LSAMP: variants seen among roughly 807,000 people sequenced by gnomAD.
LSAMP encodes limbic system associated membrane protein.
In LSAMP, 7 loss-of-function variants were observed where a neutral mutation model predicts 38.6. The ratio of observed to expected loss-of-function variants is 0.18; its 90% CI spans 0.10 to 0.34. The LOEUF (loss-of-function observed/expected upper bound fraction) is 0.34. Among genes scored for constraint, LSAMP ranks in the 10% least tolerant of loss-of-function variants. LSAMP has a pLI of 1.00. For synonymous variants in LSAMP, 154 were observed against 166.8 expected, an observed-to-expected ratio of 0.92 and a Z score of 0.59; for missense variants, 313 against 420.0, an observed-to-expected ratio of 0.75 and a Z score of 2.23.
intron 1 of LSAMP, among the ~76,000 whole-genome samples, chr3:116,436,791 A>T (rs1485981897): frequency 6.6e-6 from 1 of 151,950 alleles, no homozygotes; most frequent in Non-Finnish European, 1.5e-5. Context: ...AAGAACTAAA[A>T]CTAGAACTAC....
At position 115,909,672 on chromosome 3, in the gene LSAMP, T is replaced by C. The variant is rs142964856; in HGVS notation, c.515-57055A>G. Among the ~76,000 whole-genome samples the C allele has an allele frequency of 4.0e-3, 613 of 152,346 alleles. 2 individuals carry two copies. The highest frequency in any genetic ancestry group is 0.014 in the African/African-American group (593 of 41,582). ...AATAGGGAGCATCAGGCCAATATTT[T>C]GAATGTCTTCTTCTATTGGAGTTTT... On this transcript the variant is annotated intron_variant, in intron 3 of 6. Coordinates refer to ENST00000490035, the MANE Select transcript of LSAMP (RefSeq NM_002338.5).
chr3:116,184,193 T>G (rs180692176), intron 1 of LSAMP, among the ~76,000 whole-genome samples: 10 of 152,036 alleles, frequency 6.6e-5, no homozygotes, highest in African/African-American at 2.4e-4. Context: ...ATCATCGTTA[T>G]AGCTAAATGT....
intron 1 of LSAMP, among the ~76,000 whole-genome samples, chr3:116,272,034 G>A (rs2046981110): frequency 6.6e-6 from 1 of 151,952 alleles, no homozygotes; most frequent in African/African-American, 2.4e-5. Context: ...TGATAAAAGA[G>A]ATGGATGTAA....
intron 1 of LSAMP, among the ~76,000 whole-genome samples, chr3:116,390,453 A>G (rs930817401): frequency 6.6e-6 from 1 of 152,168 alleles, no homozygotes; most frequent in Non-Finnish European, 1.5e-5. Context: ...AGTTAAGGGC[A>G]TTCCAAAGAA....
At chr3:116,166,585 C>T (rs1052661791) in intron 1 of LSAMP, among the ~76,000 whole-genome samples, 1 of 152,034 alleles carries the variant, frequency 6.6e-6, no homozygotes, top group Non-Finnish European at 1.5e-5. Context: ...TGTATATATG[C>T]ATGTATATAT....
At chr3:116,021,247 T>G (rs544050442) in intron 2 of LSAMP, among the ~76,000 whole-genome samples, 1 of 152,274 alleles carries the variant, frequency 6.6e-6, no homozygotes, top group South Asian at 2.1e-4. Context: ...TTTCTCATAT[T>G]CACACACTGT....
chr3:116,146,770 T>C (rs1430939384), intron 1 of LSAMP, among the ~76,000 whole-genome samples: 2 of 151,892 alleles, frequency 1.3e-5, no homozygotes, highest in Admixed American at 6.6e-5. Context: ...GACTGTTCTG[T>C]GTGGTTCAAG....
intron 3 of LSAMP, among the ~76,000 whole-genome samples, chr3:115,972,359 A>G (rs930471678): frequency 3.3e-5 from 5 of 152,076 alleles, no homozygotes; most frequent in African/African-American, 4.8e-5. Flanking sequence ...GTACACTAAA[A>G]AGCATGGATT....
At chr3:115,898,659 T>C (rs1936791879) in intron 3 of LSAMP, among the ~76,000 whole-genome samples, 2 of 151,532 alleles carry the variant, frequency 1.3e-5, no homozygotes, top group Admixed American at 6.6e-5. Context: ...CTTAACAAGA[T>C]ACAATTAGAT....
At chr3:116,048,615 C>T (rs758385945) in intron 2 of LSAMP, among the ~76,000 whole-genome samples, 1 of 152,186 alleles carries the variant, frequency 6.6e-6, no homozygotes. Context: ...TGCATTCACA[C>T]TACCCTAATG....
intron 1 of LSAMP, among the ~76,000 whole-genome samples, chr3:116,231,961 TC>T (rs1369880531): frequency 6.6e-6 from 1 of 152,234 alleles, no homozygotes; most frequent in Non-Finnish European, 1.5e-5. Flanking sequence ...CCACAGATTG[TC>T]ACACCTTGAA....
intron 1 of LSAMP, among the ~76,000 whole-genome samples, chr3:116,254,898 C>T (rs2046730694): frequency 6.6e-6 from 1 of 152,100 alleles, no homozygotes; most frequent in Non-Finnish European, 1.5e-5. Flanking sequence ...ATTCTATATC[C>T]TCGGAATTGA....
At chr3:115,887,844 T>C (rs565707719) in intron 3 of LSAMP, among the ~76,000 whole-genome samples, 1 of 151,974 alleles carries the variant, frequency 6.6e-6, no homozygotes, top group Admixed American at 6.6e-5. Context: ...CTGGCTACAG[T>C]GAGAGCATAA....
At chr3:115,974,017 G>A (rs1939104672) in intron 3 of LSAMP, among the ~76,000 whole-genome samples, 1 of 152,112 alleles carries the variant, frequency 6.6e-6, no homozygotes, top group Admixed American at 6.5e-5. Context: ...ATATAACGCT[G>A]AAGGTATGGA....
chr3:116,031,538 C>CTTTTTTTTTTTTTTTTTT (rs56951507), intron 2 of LSAMP, among the ~76,000 whole-genome samples: 3 of 60,238 alleles, frequency 5.0e-5, no homozygotes, highest in Non-Finnish European at 6.3e-5. Context: ...AGCCTAAATT[C>CTTTTTTTTTTTTTTTTTT]TTTTTTTTTT....
chr3:115,889,564 T>C (rs1936543070), intron 3 of LSAMP, among the ~76,000 whole-genome samples: 1 of 151,886 alleles, frequency 6.6e-6, no homozygotes, highest in African/African-American at 2.4e-5. Context: ...TGGTTTTCAG[T>C]CCTGCTTTGG....
At chr3:116,105,176 G>GA (rs1559744261) in intron 1 of LSAMP, among the ~76,000 whole-genome samples, 1 of 134,056 alleles carries the variant, frequency 7.5e-6, no homozygotes. Flanking sequence ...TTGACTAGGG[G>GA]GAAAAAAAAA....
At chr3:116,246,102 A>C (rs2046602559) in intron 1 of LSAMP, among the ~76,000 whole-genome samples, 1 of 152,168 alleles carries the variant, frequency 6.6e-6, no homozygotes, top group African/African-American at 2.4e-5. Flanking sequence ...CCTGCTTAAA[A>C]CCGCCAATTA....
At chr3:115,977,443 T>C (rs1939221761) in intron 3 of LSAMP, among the ~76,000 whole-genome samples, 1 of 152,200 alleles carries the variant, frequency 6.6e-6, no homozygotes, top group African/African-American at 2.4e-5. Flanking sequence ...CTAAAGCAGA[T>C]TTGGCCCAAC....
Sources: gnomAD v4.1 joint callset for allele counts (sites outside exome capture counted in the v4.1 genomes callset) on GRCh38, gnomAD v4.1.1 for gene constraint, MANE v1.5 for transcripts, NCBI Gene and HGNC (gene_info 2026-07-23, HGNC 2026-07-21) for gene names.